The following ARHGAP32 variants were observed in gnomAD, a reference collection of about 807,000 sequenced individuals.
The protein encoded by ARHGAP32 is Rho GTPase activating protein 32, also known as rho GTPase-activating protein 32.
Under a neutral mutation model 186.5 loss-of-function variants are expected in ARHGAP32, and 51 were observed. The ratio of observed to expected loss-of-function variants is 0.27; its 90% CI spans 0.22 to 0.35. The LOEUF is 0.35. Ranked by LOEUF, ARHGAP32 falls within the 10% of genes least tolerant of loss-of-function variation. ARHGAP32 has a pLI of 1.00. For synonymous variants in ARHGAP32, 950 were observed against 964.3 expected (o/e 0.99, Z 0.27); for missense variants, 2,186 against 2,623.5 (o/e 0.83, Z 3.64).
Position 128,972,708 on chromosome 11 carries a change from G to C in ARHGAP32, c.3798C>G (p.Pro1266=), listed in dbSNP as rs376118787. The C allele has an allele frequency of 1.9e-6, 3 of 1,613,888 alleles. No homozygotes were observed. Among genetic ancestry groups the C allele is most frequent in the African/African-American group, 2.7e-5 (2 of 74,854 alleles). Residue 1266 remains proline (P), a synonymous_variant, in exon 22 of 23, where the codon CCC becomes CCG. Transcript: ENST00000682385. Reference sequence around the variant, plus strand: ...TGGTGGCTGTGCTGGTATTCTCTTCGGGGGACCCAGAAGGAGGGTAGATTT... The same window carrying C: ...TGGTGGCTGTGCTGGTATTCTCTTCCGGGGACCCAGAAGGAGGGTAGATTT... ...SDKIYPPSGS[P]EENTSTATMT...
At chr11:129,164,816 T>C (rs952537642) in intron 1 of ARHGAP32, among the ~76,000 whole-genome samples, 6 of 152,138 alleles carry the variant, frequency 3.9e-5, no homozygotes, top group African/African-American at 9.7e-5. Flanking sequence ...AGAAAAGATA[T>C]GGTATTTCTG....
chr11:129,104,109 A>T (rs918801399), intron 5 of ARHGAP32, among the ~76,000 whole-genome samples: 2 of 152,246 alleles, frequency 1.3e-5, no homozygotes, highest in Admixed American at 1.3e-4. Context: ...TAAGAGCCAA[A>T]AAAAGCATTT....
In ARHGAP32 at chr11:128,976,559, T is replaced by G. The variant is rs752284970; in HGVS notation, c.2194+4A>C. On this transcript the variant is annotated splice_donor_region_variant and intron_variant, in intron 20 of 22. Transcript: ENST00000682385. ...AATAAAATGACTGATGCTTTTAGTCTTACCATCAACTGCATGGAGAGATGT... is the reference window on the plus strand; with the variant it reads ...AATAAAATGACTGATGCTTTTAGTCGTACCATCAACTGCATGGAGAGATGT... The G allele has an allele frequency of 6.2e-7, 1 of 1,612,136 alleles. No individual in the cohort carries two copies. Among genetic ancestry groups the G allele is most frequent in the Non-Finnish European group, 8.5e-7 (1 of 1,178,256 alleles).
At chr11:129,087,954 G>A (rs1440962369) in intron 6 of ARHGAP32, among the ~76,000 whole-genome samples, 1 of 152,106 alleles carries the variant, frequency 6.6e-6, no homozygotes, top group Non-Finnish European at 1.5e-5. Context: ...TCTAAGTAGT[G>A]TTACTCAAAA....
At chr11:129,016,005 C>T (rs1938318929) in intron 11 of ARHGAP32, among the ~76,000 whole-genome samples, 1 of 152,186 alleles carries the variant, frequency 6.6e-6, no homozygotes, top group South Asian at 2.1e-4. Context: ...AATGATTTAT[C>T]AATATACACT....
intron 5 of ARHGAP32, among the ~76,000 whole-genome samples, chr11:129,097,059 G>A (rs1433131494): frequency 5.9e-5 from 9 of 151,802 alleles, no homozygotes; most frequent in Admixed American, 5.9e-4. Context: ...GGGGAAGAAG[G>A]AGAATCTGGT....
At chr11:129,039,830 TAA>T (rs901638860) in intron 11 of ARHGAP32, among the ~76,000 whole-genome samples, 2 of 152,182 alleles carry the variant, frequency 1.3e-5, no homozygotes, top group Non-Finnish European at 2.9e-5. Flanking sequence ...AGGAGCTTTT[TAA>T]AAAAGTTTAC....
intron 1 of ARHGAP32, among the ~76,000 whole-genome samples, chr11:129,245,028 GA>G (rs1774142311): frequency 6.6e-6 from 1 of 151,910 alleles, no homozygotes; most frequent in Non-Finnish European, 1.5e-5. Context: ...AACCATTGTG[GA>G]AGTCAGTGTG....
At chr11:129,072,437 A>G (rs1565407864) in intron 6 of ARHGAP32, among the ~76,000 whole-genome samples, 1 of 152,166 alleles carries the variant, frequency 6.6e-6, no homozygotes. Context: ...CTGGTCTGCT[A>G]TGTAAGGAGC....
At chr11:129,139,464 T>C (rs1010835395) in intron 2 of ARHGAP32, among the ~76,000 whole-genome samples, 38 of 152,198 alleles carry the variant, frequency 2.5e-4, no homozygotes, top group African/African-American at 7.2e-4. Flanking sequence ...CAAATGTCAA[T>C]TGATATCGTT....
rs1777482048 is a variant in ARHGAP32 at position 128,967,319 on chromosome 11, GT to G, written c.*1587del. 6.6e-6 allele frequency: 1 copy of G among 152,132 alleles called. No individual in the cohort carries two copies. The highest frequency in any genetic ancestry group is 2.4e-5 in the African/African-American group (1 of 41,418). 9.4% of individuals were successfully genotyped at this position (152,132 alleles called of 1,614,324 possible). A position where few individuals can be genotyped will look rare whatever the true frequency, so the allele number is the denominator to read the frequency against. On this transcript the variant is annotated 3_prime_UTR_variant, in exon 23 of 23. Coordinates refer to ENST00000682385, the MANE Select transcript of ARHGAP32 (RefSeq NM_001378024.1). The stretch of plus-strand genomic sequence containing the variant: ...TGCTCTAAATAAAAATTAATTTCAA[GT>G]TCTAAAAAGCCAGAGCAGCAACCAT...
chr11:129,107,237 T>G (rs1942072796), intron 5 of ARHGAP32, among the ~76,000 whole-genome samples: 1 of 152,044 alleles, frequency 6.6e-6, no homozygotes, highest in African/African-American at 2.4e-5. Flanking sequence ...AAAGGAGAAA[T>G]TAAGACATTC....
chr11:129,228,800 T>A (rs1425591637), intron 1 of ARHGAP32, among the ~76,000 whole-genome samples: 3 of 152,186 alleles, frequency 2.0e-5, no homozygotes, highest in Non-Finnish European at 4.4e-5. Flanking sequence ...GATACCACCA[T>A]GGCATACGTT....
chr11:129,137,442 TG>T (rs1272719714), intron 2 of ARHGAP32, among the ~76,000 whole-genome samples: 2 of 151,896 alleles, frequency 1.3e-5, no homozygotes, highest in Admixed American at 1.3e-4. Flanking sequence ...ATAAAACAAA[TG>T]AACTTAATTA....
intron 11 of ARHGAP32, among the ~76,000 whole-genome samples, chr11:129,034,027 GTTC>G (rs1939221917): frequency 6.6e-6 from 1 of 152,000 alleles, no homozygotes; most frequent in South Asian, 2.1e-4. Flanking sequence ...CCACTTTTTT[GTTC>G]TTCTAAATCG....
intron 1 of ARHGAP32, among the ~76,000 whole-genome samples, chr11:129,269,087 A>G (rs1454858321): frequency 6.6e-6 from 1 of 152,034 alleles, no homozygotes. Flanking sequence ...CCTGGGCAAC[A>G]CGGTGAAACC....
At chr11:129,134,676 C>T (rs907273748) in intron 2 of ARHGAP32, among the ~76,000 whole-genome samples, 10 of 152,136 alleles carry the variant, frequency 6.6e-5, no homozygotes, top group African/African-American at 2.4e-4. Flanking sequence ...TGTGTTCCAT[C>T]AAAATGTGTA....
At chr11:128,989,900 T>A (rs1452830737) in intron 12 of ARHGAP32, among the ~76,000 whole-genome samples, 1 of 152,196 alleles carries the variant, frequency 6.6e-6, no homozygotes, top group Non-Finnish European at 1.5e-5. Context: ...TCATCCTTTT[T>A]TATGGCTGCA....
intron 5 of ARHGAP32, among the ~76,000 whole-genome samples, chr11:129,113,377 T>C (rs1420149209): frequency 6.6e-6 from 1 of 152,200 alleles, no homozygotes; most frequent in Non-Finnish European, 1.5e-5. Flanking sequence ...TATAATTTAA[T>C]ACTGCACCTT....
Sources: gnomAD v4.1 joint callset for allele counts (sites outside exome capture counted in the v4.1 genomes callset) on GRCh38, gnomAD v4.1.1 for gene constraint, MANE v1.5 for transcripts, NCBI Gene and HGNC (gene_info 2026-07-23, HGNC 2026-07-21) for gene names.